MTMR3: variants seen among roughly 807,000 people sequenced by gnomAD.
MTMR3 encodes phosphatidylinositol-3,5-bisphosphate 3-phosphatase MTMR3.
Under a neutral mutation model 132.4 loss-of-function variants are expected in MTMR3, and 32 were observed. That is an observed-to-expected ratio of 0.24 (90% CI 0.18 to 0.32). MTMR3 has a LOEUF of 0.32. MTMR3 is among the 10% of genes least tolerant of loss of function. The pLI is 1.00. For missense variants in MTMR3, 1,216 were observed against 1,489.6 expected, an observed-to-expected ratio of 0.82 and a Z score of 3.02; for synonymous variants, 556 against 550.3, an observed-to-expected ratio of 1.01 and a Z score of -0.14.
intron 1 of MTMR3, among the ~76,000 whole-genome samples, chr22:29,889,027 A>G (rs2145699456): frequency 6.6e-6 from 1 of 152,138 alleles, no homozygotes; most frequent in South Asian, 2.1e-4. Flanking sequence ...ATAAATCATG[A>G]CATAACTGGC....
Position 30,020,523 on chromosome 22 carries a change from A to G in MTMR3, c.2864A>G (p.Asn955Ser), listed in dbSNP as rs746299225. ...ACCCTCCAGATGTACCCCACACCCA[A>G]TGGGCATTGCGCCAATGGGGAGGCT... Reference protein sequence around the residue: ...LSTLQMYPTPNGHCANGEAGR... With the variant: ...LSTLQMYPTPSGHCANGEAGR... The change falls in exon 17 of 20, where the codon AAT (asparagine) becomes AGT (serine). Residue 955 changes from asparagine to serine, a missense_variant. Physicochemically the swap from Asn to Ser is conservative, Grantham distance 46 (BLOSUM62 1). This residue lies in a region of MTMR3 where 852 missense variants were observed against 852.0 expected (regional missense o/e 1.00). Transcript: ENST00000401950. 34 of 1,614,000 alleles carry G rather than the reference A, an allele frequency of 2.1e-5. No homozygotes were observed. Among genetic ancestry groups the G allele is most frequent in the Admixed American group, 3.3e-5 (2 of 59,998 alleles).
chr22:29,949,500 G>GCCC (rs143403970), intron 1 of MTMR3, among the ~76,000 whole-genome samples: 11 of 94,734 alleles, frequency 1.2e-4, no homozygotes, highest in African/African-American at 4.4e-4. Flanking sequence ...TGTCCCCCGC[G>GCCC]CCCCCCCCCA....
intron 1 of MTMR3, among the ~76,000 whole-genome samples, chr22:29,933,390 T>A (rs1410266779): frequency 2.6e-5 from 4 of 152,174 alleles, no homozygotes; most frequent in Non-Finnish European, 5.9e-5. Flanking sequence ...TGAGGATGCT[T>A]TTATATCCAA....
chr22:29,914,460 GT>G (rs1164747463), intron 1 of MTMR3, among the ~76,000 whole-genome samples: 1 of 152,066 alleles, frequency 6.6e-6, no homozygotes, highest in Non-Finnish European at 1.5e-5. Flanking sequence ...TTTATTGTGA[GT>G]TCATAATGTA....
chr22:29,956,763 C>T lies in MTMR3; in HGVS notation c.-137-273C>T, dbSNP rs566612188. 1.2e-4 allele frequency among the ~76,000 whole-genome samples: 19 copies of T among 152,226 alleles called. No homozygotes were observed. The East Asian group carries it at 2.9e-3, about 23-fold the overall frequency. ...ATGATGCTTGCTTGACTGAGAAAAA[C>T]TTAAATAAGCCTCTCTGTGGGGTTT... On this transcript the variant is annotated intron_variant, in intron 1 of 19. Coordinates refer to ENST00000401950, the MANE Select transcript of MTMR3 (RefSeq NM_021090.4).
chr22:29,919,485 G>T (rs1482915506), intron 1 of MTMR3, among the ~76,000 whole-genome samples: 2 of 152,150 alleles, frequency 1.3e-5, no homozygotes, highest in Non-Finnish European at 2.9e-5. Flanking sequence ...TGTGATCCTT[G>T]AAGTTTAATA....
At chr22:30,021,936 C>A in intron 17 of MTMR3, 93 bp from the exon 18 acceptor site, 1 of 981,400 alleles carries the variant, frequency 1.0e-6, no homozygotes, top group Non-Finnish European at 1.6e-6. Context: ...CGGCCCCACC[C>A]AGAGTCCTCA....
intron 3 of MTMR3, among the ~76,000 whole-genome samples, chr22:29,977,056 T>G (rs966939639): frequency 6.6e-6 from 1 of 152,122 alleles, no homozygotes; most frequent in Admixed American, 6.5e-5. Flanking sequence ...TTTGGGAGGC[T>G]AAGGTGGGAG....
At chr22:29,984,960 A>G (rs1240072032) in intron 5 of MTMR3, 5 of 152,228 alleles carry the variant, frequency 3.3e-5, no homozygotes, top group Admixed American at 1.3e-4. Context: ...TGACTTTACT[A>G]CTATATTAGC....
intron 8 of MTMR3, chr22:29,999,673 T>A (rs1157981180): frequency 6.6e-6 from 1 of 152,200 alleles, no homozygotes; most frequent in Non-Finnish European, 1.5e-5. Flanking sequence ...AATATATTGA[T>A]CTAAAACCAA....
chr22:29,954,059 C>CTTGTTTTTT, intron 1 of MTMR3, among the ~76,000 whole-genome samples: 1 of 79,426 alleles, frequency 1.3e-5, no homozygotes, highest in Non-Finnish European at 2.2e-5. Flanking sequence ...TCAAATGAGT[C>CTTGTTTTTT]TTTTTTTTTT....
In MTMR3 at chr22:29,907,366, C is replaced by T. The variant is rs571197037; in HGVS notation, c.-138+24007C>T. On this transcript the variant is annotated intron_variant, in intron 1 of 19. Coordinates refer to ENST00000401950, the MANE Select transcript of MTMR3 (RefSeq NM_021090.4). ...GCAGTGAGCCGAGATAGCACCACTGCACTCCAGCTGGGTGACAGAGCAAGA... is the reference window on the plus strand; with the variant it reads ...GCAGTGAGCCGAGATAGCACCACTGTACTCCAGCTGGGTGACAGAGCAAGA... Among the ~76,000 whole-genome samples the T allele has an allele frequency of 1.6e-4, 24 of 151,534 alleles. 1 individual carries two copies. In the South Asian group the frequency reaches 4.8e-3, roughly 30 times the overall value.
intron 1 of MTMR3, among the ~76,000 whole-genome samples, chr22:29,898,910 A>G (rs1361964976): frequency 1.3e-5 from 1 of 78,430 alleles, no homozygotes; most frequent in African/African-American, 4.2e-5. Context: ...AATTTCTCAC[A>G]TCTTTTTTTT....
intron 3 of MTMR3, among the ~76,000 whole-genome samples, chr22:29,974,354 C>T (rs1602602727): frequency 6.6e-6 from 1 of 152,166 alleles, no homozygotes; most frequent in East Asian, 1.9e-4. Flanking sequence ...ATGGGATCAC[C>T]AGTCCCCTAG....
chr22:29,923,236 A>AT (rs1008448783), intron 1 of MTMR3, among the ~76,000 whole-genome samples: 2 of 145,844 alleles, frequency 1.4e-5, no homozygotes, highest in African/African-American at 5.1e-5. Flanking sequence ...TTTTATTTTT[A>AT]TTTTTTATTT....
chr22:29,934,083 G>A (rs1271517083), intron 1 of MTMR3, among the ~76,000 whole-genome samples: 2 of 152,122 alleles, frequency 1.3e-5, no homozygotes, highest in African/African-American at 4.8e-5. Flanking sequence ...AGCTGGGCAC[G>A]GTGGCTCACG....
chr22:29,943,859 G>T (rs189527687), intron 1 of MTMR3, among the ~76,000 whole-genome samples: 1 of 141,070 alleles, frequency 7.1e-6, no homozygotes, highest in East Asian at 2.2e-4. Flanking sequence ...GGTCTGGCTC[G>T]ATTGCCCAGG....
At chr22:29,889,086 A>G (rs1050888284) in intron 1 of MTMR3, among the ~76,000 whole-genome samples, 1 of 152,018 alleles carries the variant, frequency 6.6e-6, no homozygotes. Flanking sequence ...TAGGGTTGTT[A>G]TTTATTCTAT....
intron 7 of MTMR3, 61 bp downstream of exon 7, chr22:29,991,731 T>C (rs2066965043): frequency 6.8e-7 from 1 of 1,478,074 alleles, no homozygotes; most frequent in Non-Finnish European, 9.0e-7. Context: ...ATGGAGGTAC[T>C]TTTAACATGA....
Sources: gnomAD v4.1 joint callset for allele counts (sites outside exome capture counted in the v4.1 genomes callset) on GRCh38, gnomAD v4.1.1 for gene constraint, gnomAD v4.1.1 regional missense constraint, MANE v1.5 for transcripts, NCBI Gene and HGNC (gene_info 2026-07-23, HGNC 2026-07-21) for gene names.